ERC1: variants seen among roughly 807,000 people sequenced by gnomAD.
ERC1 encodes ELKS/RAB6-interacting/CAST family member 1.
Under a neutral mutation model 132.0 loss-of-function variants are expected in ERC1, and 56 were observed. The ratio of observed to expected loss-of-function variants is 0.42; its 90% CI spans 0.34 to 0.53. The LOEUF (loss-of-function observed/expected upper bound fraction) is 0.53. ERC1 is among the 20% of genes least tolerant of loss of function. The pLI is 0.03. For synonymous variants in ERC1, 478 were observed against 476.1 expected (o/e 1.00, Z -0.05); for missense variants, 1,202 against 1,349.9 (o/e 0.89, Z 1.72).
chr12:1,319,363 A>G (rs73595971), intron 15 of ERC1, among the ~76,000 whole-genome samples: 3,444 of 152,256 alleles, frequency 0.023, 124 homozygotes, highest in African/African-American at 0.079. Context: ...TCCTTCGTAT[A>G]CCAAATAGAA....
At chr12:1,485,221 TTGA>T (rs1211526646) in intron 18 of ERC1, among the ~76,000 whole-genome samples, 1 of 147,020 alleles carries the variant, frequency 6.8e-6, no homozygotes, top group Admixed American at 6.7e-5. Flanking sequence ...TTTTTTTTTT[TTGA>T]GACAGAGTCT....
At chr12:1,107,060 G>T (rs931387735) in intron 4 of ERC1, among the ~76,000 whole-genome samples, 1 of 152,132 alleles carries the variant, frequency 6.6e-6, no homozygotes, top group Non-Finnish European at 1.5e-5. Context: ...TCTTGAAGGT[G>T]ATGCAATTTT....
chr12:1,339,129 G>A (rs1467789502), intron 15 of ERC1, among the ~76,000 whole-genome samples: 4 of 151,428 alleles, frequency 2.6e-5, no homozygotes, highest in Non-Finnish European at 4.4e-5. Flanking sequence ...ATTCACCGCA[G>A]TGGCAGAGGC....
At chr12:1,273,597 A>G (rs1594710136) in intron 14 of ERC1, among the ~76,000 whole-genome samples, 1 of 152,306 alleles carries the variant, frequency 6.6e-6, no homozygotes, top group African/African-American at 2.4e-5. Context: ...TCTGTTGAAC[A>G]CTTAAAATTT....
chr12:1,379,682 C>G (rs1265730205), intron 16 of ERC1, among the ~76,000 whole-genome samples: 1 of 152,090 alleles, frequency 6.6e-6, no homozygotes, highest in Non-Finnish European at 1.5e-5. Flanking sequence ...GTGGTTCTGA[C>G]CCGGGGTCCT....
chr12:1,233,965 A>G (rs1200918254), intron 12 of ERC1, among the ~76,000 whole-genome samples: 1 of 152,228 alleles, frequency 6.6e-6, no homozygotes, highest in Non-Finnish European at 1.5e-5. Context: ...TTTTGTTACA[A>G]TTTACGTTGT....
chr12:1,039,332 T>G, intron 2 of ERC1, among the ~76,000 whole-genome samples: 1 of 131,262 alleles, frequency 7.6e-6, no homozygotes. Flanking sequence ...AGCGAGACGT[T>G]GTCTCAAAAA....
At chr12:1,226,400 C>T (rs1015376397) in intron 12 of ERC1, among the ~76,000 whole-genome samples, 1 of 152,344 alleles carries the variant, frequency 6.6e-6, no homozygotes, top group East Asian at 1.9e-4. Flanking sequence ...TTTATCACCT[C>T]ACATAGTTAC....
chr12:1,138,587 A>AAGATGT (rs1405796697), intron 7 of ERC1, among the ~76,000 whole-genome samples: 1 of 151,898 alleles, frequency 6.6e-6, no homozygotes, highest in African/African-American at 2.4e-5. Context: ...AGGACCTTGA[A>AAGATGT]AGATGTGTTC....
chr12:1,428,242 T>G (rs555514844), intron 17 of ERC1, among the ~76,000 whole-genome samples: 1 of 152,350 alleles, frequency 6.6e-6, no homozygotes, highest in South Asian at 2.1e-4. Context: ...TATTACTTGT[T>G]TCCCACACAG....
At chr12:1,406,305 T>A (rs1334246481) in intron 16 of ERC1, among the ~76,000 whole-genome samples, 3 of 148,820 alleles carry the variant, frequency 2.0e-5, no homozygotes, top group Non-Finnish European at 4.4e-5. Context: ...ATATTACATA[T>A]CTCTGTAAAT....
chr12:1,390,677 T>G (rs1368301052), intron 16 of ERC1: 4 of 152,218 alleles, frequency 2.6e-5, no homozygotes, highest in South Asian at 2.1e-4. Context: ...AATAAAACTG[T>G]GGTCAAACCA....
At chr12:1,316,260 G>T (rs755774290) in intron 15 of ERC1, among the ~76,000 whole-genome samples, 4 of 152,096 alleles carry the variant, frequency 2.6e-5, no homozygotes, top group Non-Finnish European at 5.9e-5. Context: ...TATATGAGAA[G>T]CTTTTTAAAC....
intron 12 of ERC1, among the ~76,000 whole-genome samples, chr12:1,225,707 T>A (rs1408678890): frequency 6.6e-6 from 1 of 152,212 alleles, no homozygotes; most frequent in Non-Finnish European, 1.5e-5. Context: ...AAACATAGTC[T>A]AGTAGTTTTA....
At chr12:1,106,559 G>A (rs1945287615) in intron 4 of ERC1, among the ~76,000 whole-genome samples, 1 of 151,862 alleles carries the variant, frequency 6.6e-6, no homozygotes, top group Non-Finnish European at 1.5e-5. Context: ...ATTCTCGGTG[G>A]GGAAAGGATT....
At chr12:1,196,065 C>T (rs990306719) in intron 12 of ERC1, among the ~76,000 whole-genome samples, 1 of 152,090 alleles carries the variant, frequency 6.6e-6, no homozygotes, top group Non-Finnish European at 1.5e-5. Context: ...TAATTACTCC[C>T]CCAAATCAGG....
intron 12 of ERC1, among the ~76,000 whole-genome samples, chr12:1,196,925 C>CT (rs1261756098): frequency 1.4e-4 from 5 of 36,544 alleles, no homozygotes; most frequent in African/African-American, 1.3e-3. Context: ...CACACACACA[C>CT]ACACACACAC....
At chr12:1,384,457 T>C (rs978603023) in intron 16 of ERC1, among the ~76,000 whole-genome samples, 7 of 152,234 alleles carry the variant, frequency 4.6e-5, no homozygotes, top group Admixed American at 1.3e-4. Flanking sequence ...ATTACTGTCA[T>C]GTATACATAG....
At chr12:1,266,861 C>G (rs559734725) in intron 14 of ERC1, among the ~76,000 whole-genome samples, 14 of 152,236 alleles carry the variant, frequency 9.2e-5, no homozygotes, top group African/African-American at 2.6e-4. Context: ...ACCTGTTTCT[C>G]ACTTAAATTT....
Sources: allele counts gnomAD v4.1 joint callset (sites outside exome capture counted in the v4.1 genomes callset), GRCh38; gene constraint gnomAD v4.1.1; transcripts MANE v1.5; gene names NCBI Gene and HGNC (gene_info 2026-07-23, HGNC 2026-07-21).